MARCHF6: variants seen among roughly 807,000 people sequenced by gnomAD.
MARCHF6 encodes E3 ubiquitin-protein ligase MARCHF6.
Under a neutral mutation model 133.7 loss-of-function variants are expected in MARCHF6, and 31 were observed. The observed-to-expected ratio is 0.23, with a 90% CI of 0.17 to 0.31. The LOEUF (loss-of-function observed/expected upper bound fraction) is 0.31, where lower values mean the gene tolerates loss of function less well. MARCHF6 is among the 10% of genes least tolerant of loss of function. The pLI, the probability that MARCHF6 is intolerant of heterozygous loss-of-function variation, is 1.00. For missense variants in MARCHF6, 723 were observed against 1,121.6 expected (o/e 0.64, Z 5.08); for synonymous variants, 395 against 402.5 (o/e 0.98, Z 0.22).
At chr5:10,367,529 A>G (rs1235448349) in intron 1 of MARCHF6, among the ~76,000 whole-genome samples, 1 of 152,208 alleles carries the variant, frequency 6.6e-6, no homozygotes, top group Non-Finnish European at 1.5e-5. Context: ...GTCTTACATC[A>G]AAGAACTTTC....
intron 10 of MARCHF6, among the ~76,000 whole-genome samples, chr5:10,398,972 G>A (rs1310384551): frequency 6.6e-6 from 1 of 152,008 alleles, no homozygotes; most frequent in African/African-American, 2.4e-5. Flanking sequence ...TGGCTCTTGT[G>A]GTCATATGCT....
chr5:10,391,441 T>TG, intron 6 of MARCHF6, 101 bp from the exon 7 acceptor site: 1 of 435,134 alleles, frequency 2.3e-6, no homozygotes, highest in Non-Finnish European at 3.7e-6. Context: ...CCTAGGTTTT[T>TG]TTTTTTTTTT....
chr5:10,368,696 C>T (rs1463656671), intron 1 of MARCHF6, among the ~76,000 whole-genome samples: 1 of 152,142 alleles, frequency 6.6e-6, no homozygotes, highest in Non-Finnish European at 1.5e-5. Flanking sequence ...TTTCCTGCCT[C>T]TGCCTCGCAA....
chr5:10,390,185 C>A, intron 5 of MARCHF6, 147 bp from the exon 6 acceptor site: 1 of 646,748 alleles, frequency 1.5e-6, no homozygotes, highest in Non-Finnish European at 2.6e-6. Context: ...TTTGGAGAAA[C>A]TTGAGATTTT....
chr5:10,373,636 G>A (rs1736592763), intron 1 of MARCHF6, among the ~76,000 whole-genome samples: 1 of 152,100 alleles, frequency 6.6e-6, no homozygotes, highest in African/African-American at 2.4e-5. Flanking sequence ...GTCAATGGCC[G>A]ACCCGTCACG....
intron 1 of MARCHF6, among the ~76,000 whole-genome samples, chr5:10,357,367 C>G (rs202053476): frequency 2.6e-5 from 3 of 117,096 alleles, no homozygotes; most frequent in Admixed American, 1.6e-4. Flanking sequence ...TTTTTTTTTT[C>G]TTTTCCATTT....
chr5:10,420,395 C>T (rs1207657199), intron 22 of MARCHF6, among the ~76,000 whole-genome samples: 3 of 151,296 alleles, frequency 2.0e-5, no homozygotes, highest in Non-Finnish European at 2.9e-5. Context: ...AAAGTGTCAC[C>T]TTATGGATTA....
Position 10,414,429 on chromosome 5 carries a change from G to T in MARCHF6, c.1897-4G>T. 1.3e-6 allele frequency: 2 copies of T among 1,599,432 alleles called. No individual in the cohort carries two copies. The highest frequency in any genetic ancestry group is 8.6e-7 in the Non-Finnish European group (1 of 1,167,794). ...TTATGCACTCCTTATGTTTTACTTT[G>T]CAGATATTTCTGTTGATTGTCTTCA... On this transcript the variant is annotated splice_polypyrimidine_tract_variant and splice_region_variant and intron_variant, in intron 19 of 25. Transcript: ENST00000274140.
At chr5:10,397,762 T>TGTA (rs1738278449) in intron 10 of MARCHF6, among the ~76,000 whole-genome samples, 1 of 152,122 alleles carries the variant, frequency 6.6e-6, no homozygotes, top group Non-Finnish European at 1.5e-5. Flanking sequence ...CAGAGCTGAG[T>TGTA]GTAGGCTTGT....
At chr5:10,423,901 C>A in intron 23 of MARCHF6, 77 bp downstream of exon 23, 3 of 974,200 alleles carry the variant, frequency 3.1e-6, no homozygotes, top group South Asian at 1.7e-5. Context: ...ACTCTTATTT[C>A]TTATCTTCCT....
At chr5:10,420,340 A>G (rs1739763581) in intron 22 of MARCHF6, among the ~76,000 whole-genome samples, 1 of 152,176 alleles carries the variant, frequency 6.6e-6, no homozygotes, top group Non-Finnish European at 1.5e-5. Flanking sequence ...AATAATTTGC[A>G]GGTATGTTAC....
Position 10,368,728 on chromosome 5 carries a change from C to T in MARCHF6, c.20-9070C>T, listed in dbSNP as rs183248204. 4.0e-4 allele frequency among the ~76,000 whole-genome samples: 61 copies of T among 152,074 alleles called. 1 individual carries two copies. Among genetic ancestry groups the T allele is most frequent in the Admixed American group, 2.4e-3 (36 of 15,266 alleles). ...GCAAGTAGCTGGTACTACAGGTGTGCGCCACCACGTTCTCGGTAATTTTTA... is the reference window on the plus strand; with the variant it reads ...GCAAGTAGCTGGTACTACAGGTGTGTGCCACCACGTTCTCGGTAATTTTTA... On this transcript the variant is annotated intron_variant, in intron 1 of 25. Transcript: ENST00000274140.
In MARCHF6 at chr5:10,435,697, A is replaced by ATTT. The variant is rs60984668; in HGVS notation, c.*2042_*2044dup. On this transcript the variant is annotated 3_prime_UTR_variant, in exon 26 of 26. Transcript: ENST00000274140. Reference sequence around the variant, plus strand: ...TATATATATATATATATATATATATATTTTTTTTTTTTTTTTTTTTTTTTT... The same window carrying ATTT: ...TATATATATATATATATATATATATATTTTTTTTTTTTTTTTTTTTTTTTTTTT... 3.4e-4 allele frequency: 2 copies of ATTT among 5,874 alleles called. 1 individual carries two copies. 0.4% of individuals were successfully genotyped at this position (5,874 alleles called of 1,614,324 possible).
In MARCHF6 at chr5:10,405,612, A is replaced by T; in HGVS notation, c.1387A>T (p.Asn463Tyr). The change falls in exon 16 of 26, where the codon AAT (asparagine) becomes TAT (tyrosine). Residue 463 changes from asparagine (N) to tyrosine (Y), a missense_variant. By Grantham distance (143) the Asn-to-Tyr change is moderately radical. This residue lies in a region of MARCHF6 where 492 missense variants were observed against 699.5 expected (regional missense o/e 0.70). Coordinates refer to ENST00000274140, the MANE Select transcript of MARCHF6 (RefSeq NM_005885.4). Reference protein sequence around the residue: ...FLRNLNDPDFNPVQEMIHLPI... With the variant: ...FLRNLNDPDFYPVQEMIHLPI... The stretch of plus-strand genomic sequence containing the variant: ...AAGGAATTTGAATGATCCAGATTTC[A>T]ATCCAGTACAGGAAATGATCCATTT... The T allele has an allele frequency of 6.2e-7, 1 of 1,611,136 alleles. No homozygotes were observed. The highest frequency in any genetic ancestry group is 8.5e-7 in the Non-Finnish European group (1 of 1,178,944).
chr5:10,415,413 C>G, intron 20 of MARCHF6, 75 bp from the exon 21 acceptor site: 1 of 1,322,466 alleles, frequency 7.6e-7, no homozygotes, highest in East Asian at 2.3e-5. Flanking sequence ...TGTGAAAATA[C>G]TAACATAACA....
chr5:10,365,193 C>T (rs1036191824), intron 1 of MARCHF6, among the ~76,000 whole-genome samples: 25 of 152,158 alleles, frequency 1.6e-4, no homozygotes, highest in Non-Finnish European at 1.5e-5. Flanking sequence ...GTGCAGTTTT[C>T]AGGCTTCCAG....
intron 14 of MARCHF6, 119 bp downstream of exon 14, chr5:10,402,726 G>T (rs1487094798): frequency 1.2e-5 from 11 of 925,324 alleles, no homozygotes; most frequent in Non-Finnish European, 1.9e-5. Context: ...TATTCTTTTG[G>T]CATGTGTATC....
chr5:10,421,437 T>C (rs544381855), intron 22 of MARCHF6, among the ~76,000 whole-genome samples: 2 of 152,388 alleles, frequency 1.3e-5, no homozygotes, highest in South Asian at 4.1e-4. Flanking sequence ...CGTGCTATCC[T>C]TAATGTTTTG....
intron 4 of MARCHF6, among the ~76,000 whole-genome samples, chr5:10,382,310 C>T (rs370404730): frequency 2.0e-5 from 3 of 151,918 alleles, no homozygotes; most frequent in Non-Finnish European, 4.4e-5. Context: ...TTCAGGAGGC[C>T]GAGGCAGGCG....
Sources: gnomAD v4.1 joint callset for allele counts (sites outside exome capture counted in the v4.1 genomes callset) on GRCh38, gnomAD v4.1.1 for gene constraint, gnomAD v4.1.1 regional missense constraint, MANE v1.5 for transcripts, NCBI Gene and HGNC (gene_info 2026-07-23, HGNC 2026-07-21) for gene names.